The following SGCD variants were observed in gnomAD, a reference collection of about 807,000 sequenced individuals.
SGCD encodes the protein sarcoglycan delta.
In SGCD, 18 loss-of-function variants were observed where a neutral mutation model predicts 36.6. The ratio of observed to expected loss-of-function variants is 0.49; its 90% CI spans 0.34 to 0.73. The LOEUF (loss-of-function observed/expected upper bound fraction) is 0.73, where lower values mean the gene tolerates loss of function less well. Among genes scored for constraint, SGCD ranks in the 30% least tolerant of loss-of-function variants. SGCD has a pLI of 0.01. For missense variants in SGCD, 387 were observed against 346.7 expected (o/e 1.12, Z -0.92); for synonymous variants, 133 against 130.6 (o/e 1.02, Z -0.12).
chr5:156,746,778 G>T (rs557364947), intron 7 of SGCD, among the ~76,000 whole-genome samples: 6 of 152,226 alleles, frequency 3.9e-5, no homozygotes, highest in Admixed American at 2.0e-4. Flanking sequence ...AACATGGGAA[G>T]AATATCTTTG....
intron 6 of SGCD, among the ~76,000 whole-genome samples, chr5:156,605,225 G>A (rs1424993482): frequency 2.0e-5 from 3 of 151,660 alleles, no homozygotes; most frequent in Non-Finnish European, 2.9e-5. Context: ...AACAGGCCTC[G>A]GTGTGTGATG....
intron 3 of SGCD, among the ~76,000 whole-genome samples, chr5:156,460,773 A>C (rs1361445920): frequency 6.6e-6 from 1 of 152,194 alleles, no homozygotes; most frequent in Non-Finnish European, 1.5e-5. Context: ...GGATGTTAAA[A>C]GATGGTTCAC....
At chr5:156,666,731 G>A (rs978376430) in intron 7 of SGCD, among the ~76,000 whole-genome samples, 998 of 146,722 alleles carry the variant, frequency 6.8e-3, no homozygotes, top group East Asian at 0.052. Flanking sequence ...CACAGCACAC[G>A]TTTCAGAGAG....
intron 1 of SGCD, among the ~76,000 whole-genome samples, chr5:156,058,663 A>G (rs1561700308): frequency 6.8e-6 from 1 of 146,806 alleles, no homozygotes; most frequent in South Asian, 2.1e-4. Context: ...AATGTTAAAT[A>G]TGGATATTTA....
chr5:155,801,410 A>G, the SGCD span, among the ~76,000 whole-genome samples: 10 of 152,178 alleles, frequency 6.6e-5, no homozygotes, highest in African/African-American at 2.4e-4. Context: ...CAAAAGGGTT[A>G]ATGTTGAACT....
In SGCD at chr5:156,206,278, CG is replaced by C. The variant is rs368948287; in HGVS notation, c.-44+82263del. On this transcript the variant is annotated intron_variant, in intron 3 of 9. Transcript: ENST00000517913. ...AACCAGTCTTCTGTGGCTTGGCATT[CG>C]GGGTTTTCCCAATATTTTTTGGTCA... is the stretch of plus-strand genomic sequence containing the variant. Among the ~76,000 whole-genome samples the C allele has an allele frequency of 1.6e-4, 24 of 151,870 alleles. No individual in the cohort carries two copies. In the East Asian group the frequency reaches 4.1e-3, roughly 26 times the overall value.
At chr5:155,905,599 G>A (rs1012034629) in intron 1 of SGCD, among the ~76,000 whole-genome samples, 1 of 152,120 alleles carries the variant, frequency 6.6e-6, no homozygotes, top group Non-Finnish European at 1.5e-5. Flanking sequence ...TTTATTGTGT[G>A]ATATGGTTTG....
intron 4 of SGCD, among the ~76,000 whole-genome samples, chr5:156,567,753 C>A (rs55634634): frequency 0.25 from 38,642 of 152,106 alleles, 5,627 homozygotes; most frequent in Non-Finnish European, 0.34. Context: ...TTTGCAGCTT[C>A]TTAGAATGTA....
At chr5:156,074,287 A>G (rs1760697231) in intron 1 of SGCD, among the ~76,000 whole-genome samples, 1 of 152,154 alleles carries the variant, frequency 6.6e-6, no homozygotes, top group Admixed American at 6.5e-5. Flanking sequence ...TGGGATTGTC[A>G]TCTTGGGGTC....
chr5:155,840,295 G>A, the SGCD span, among the ~76,000 whole-genome samples: 1 of 150,508 alleles, frequency 6.6e-6, no homozygotes, highest in South Asian at 2.1e-4. Context: ...CCAGGCTGGA[G>A]TGCAGTGGCG....
At chr5:156,492,498 C>G (rs370799993) in intron 3 of SGCD, among the ~76,000 whole-genome samples, 4 of 152,056 alleles carry the variant, frequency 2.6e-5, no homozygotes, top group Admixed American at 6.6e-5. Context: ...CAAAGACAGT[C>G]AGCTTTATTT....
intron 3 of SGCD, among the ~76,000 whole-genome samples, chr5:156,397,852 AT>A (rs574375690): frequency 3.3e-5 from 5 of 152,298 alleles, no homozygotes; most frequent in African/African-American, 1.2e-4. Context: ...GCAGGCACAA[AT>A]TTGATGGGTT....
intron 6 of SGCD, among the ~76,000 whole-genome samples, chr5:156,631,679 G>C (rs7723780): frequency 6.6e-6 from 1 of 151,376 alleles, no homozygotes; most frequent in Non-Finnish European, 1.5e-5. Context: ...ACCAATTCAC[G>C]TTAGAAGAAC....
At chr5:156,070,022 G>A (rs984199661) in intron 1 of SGCD, among the ~76,000 whole-genome samples, 1 of 151,936 alleles carries the variant, frequency 6.6e-6, no homozygotes, top group African/African-American at 2.4e-5. Flanking sequence ...AGCTTAAGGA[G>A]ATTTTGGGCT....
chr5:156,155,429 G>A (rs971531412), intron 3 of SGCD, among the ~76,000 whole-genome samples: 5 of 151,382 alleles, frequency 3.3e-5, no homozygotes, highest in East Asian at 1.9e-4. Context: ...CTTTTTATGC[G>A]AAATATTTCA....
chr5:156,077,981 C>CT (rs1760835395), intron 1 of SGCD, among the ~76,000 whole-genome samples: 1 of 152,106 alleles, frequency 6.6e-6, no homozygotes, highest in South Asian at 2.1e-4. Flanking sequence ...GTCACTTTAA[C>CT]TTTACTTTCT....
intron 1 of SGCD, among the ~76,000 whole-genome samples, chr5:156,071,168 G>T (rs954711326): frequency 2.6e-5 from 4 of 152,070 alleles, no homozygotes; most frequent in African/African-American, 9.7e-5. Flanking sequence ...CTTGCCTTCT[G>T]CTAGCTTTTG....
the SGCD span, among the ~76,000 whole-genome samples, chr5:155,829,831 C>T: frequency 5.3e-5 from 8 of 152,080 alleles, no homozygotes; most frequent in Admixed American, 2.6e-4. Flanking sequence ...GTGAGAAAAC[C>T]AGGAAATGGA....
At chr5:156,482,952 C>A (rs1755504486) in intron 3 of SGCD, among the ~76,000 whole-genome samples, 1 of 149,566 alleles carries the variant, frequency 6.7e-6, no homozygotes, top group African/African-American at 2.5e-5. Context: ...TCCTGTGTAT[C>A]ATAGTATATT....
Sources: gnomAD v4.1 joint callset for allele counts (sites outside exome capture counted in the v4.1 genomes callset) on GRCh38, gnomAD v4.1.1 for gene constraint, MANE v1.5 for transcripts, NCBI Gene and HGNC (gene_info 2026-07-23, HGNC 2026-07-21) for gene names.